Variants in GALNT7 observed in about 807,000 individuals in gnomAD.
GALNT7 encodes N-acetylgalactosaminyltransferase 7.
A neutral mutation model predicts 82.1 loss-of-function variants in GALNT7; 60 were observed. The ratio of observed to expected loss-of-function variants is 0.73; its 90% CI spans 0.59 to 0.91. The LOEUF is 0.91. Ranked by LOEUF, GALNT7 falls within the 40% of genes least tolerant of loss-of-function variation. The pLI is 0.00. For missense variants in GALNT7, 660 were observed against 804.2 expected, an observed-to-expected ratio of 0.82 and a Z score of 2.17; for synonymous variants, 243 against 275.1, an observed-to-expected ratio of 0.88 and a Z score of 1.15.
At chr4:173,181,612 A>C (rs1732249045) in intron 1 of GALNT7, among the ~76,000 whole-genome samples, 1 of 152,216 alleles carries the variant, frequency 6.6e-6, no homozygotes, top group Admixed American at 6.5e-5. Flanking sequence ...CTTCTATTTT[A>C]AAATAAATGT....
intron 1 of GALNT7, among the ~76,000 whole-genome samples, chr4:173,204,378 T>G (rs935729200): frequency 1.3e-5 from 2 of 152,254 alleles, no homozygotes; most frequent in African/African-American, 4.8e-5. Context: ...TATCTTTCCC[T>G]AGATTTGGAA....
chr4:173,186,065 C>T (rs1732450811), intron 1 of GALNT7, among the ~76,000 whole-genome samples: 1 of 152,004 alleles, frequency 6.6e-6, no homozygotes, highest in African/African-American at 2.4e-5. Flanking sequence ...GGAGGAGGGG[C>T]CTGCTATATA....
chr4:173,313,008 G>A (rs968466504), intron 8 of GALNT7, among the ~76,000 whole-genome samples: 25 of 152,018 alleles, frequency 1.6e-4, no homozygotes, highest in African/African-American at 5.8e-4. Context: ...GCAGTGAGCC[G>A]AGATTGCGTC....
At chr4:173,308,755 T>C (rs1226874260) in intron 8 of GALNT7, among the ~76,000 whole-genome samples, 1 of 152,084 alleles carries the variant, frequency 6.6e-6, no homozygotes, top group Non-Finnish European at 1.5e-5. Flanking sequence ...ATACAAAAAT[T>C]AGCTGGGTGT....
intron 3 of GALNT7, among the ~76,000 whole-genome samples, chr4:173,294,831 G>T (rs1336759851): frequency 6.6e-6 from 1 of 152,068 alleles, no homozygotes; most frequent in African/African-American, 2.4e-5. Context: ...TACACTTGAT[G>T]CTTAAGATAA....
rs557517546 is a variant in GALNT7 at position 173,224,888 on chromosome 4, G to A, written c.127-23092G>A. Reference sequence around the variant, plus strand: ...AAATTAGCCAGGCGTGGTGGCGCGCGCCTGTAGTCCCAGCTACTCGGGAGG... The same window carrying A: ...AAATTAGCCAGGCGTGGTGGCGCGCACCTGTAGTCCCAGCTACTCGGGAGG... On this transcript the variant is annotated intron_variant, in intron 1 of 11. Coordinates refer to ENST00000265000, the MANE Select transcript of GALNT7 (RefSeq NM_017423.3). Among the ~76,000 whole-genome samples the A allele has an allele frequency of 2.9e-3, 435 of 151,748 alleles. 2 individuals carry two copies. The highest frequency in any genetic ancestry group is 9.6e-3 in the African/African-American group (399 of 41,420).
chr4:173,294,893 A>G (rs1024667183), intron 3 of GALNT7, among the ~76,000 whole-genome samples: 5 of 152,206 alleles, frequency 3.3e-5, no homozygotes, highest in African/African-American at 1.2e-4. Flanking sequence ...AACCATATTC[A>G]TCATACCAAG....
chr4:173,293,335 A>C (rs1736607526), intron 3 of GALNT7, among the ~76,000 whole-genome samples: 1 of 151,636 alleles, frequency 6.6e-6, no homozygotes, highest in East Asian at 1.9e-4. Context: ...ACAATCATGC[A>C]GGTCCCTTGA....
chr4:173,194,986 A>G (rs2126644594), intron 1 of GALNT7, among the ~76,000 whole-genome samples: 1 of 152,334 alleles, frequency 6.6e-6, no homozygotes, highest in East Asian at 1.9e-4. Flanking sequence ...CTAAATTTCT[A>G]CTTAGAATCA....
chr4:173,295,938 C>A, intron 5 of GALNT7, 95 bp downstream of exon 5: 1 of 776,058 alleles, frequency 1.3e-6, no homozygotes, highest in South Asian at 1.4e-5. Context: ...CAGCTCCATT[C>A]AGTGCATCGA....
chr4:173,257,153 T>TAGG (rs1735069575), intron 2 of GALNT7, among the ~76,000 whole-genome samples: 1 of 152,204 alleles, frequency 6.6e-6, no homozygotes, highest in African/African-American at 2.4e-5. Flanking sequence ...TAGAGGCAGT[T>TAGG]AGGGGAGGCT....
intron 2 of GALNT7, among the ~76,000 whole-genome samples, chr4:173,256,533 C>A (rs528572702): frequency 5.3e-5 from 8 of 149,776 alleles, no homozygotes; most frequent in African/African-American, 2.0e-4. Context: ...AGTCCTATTG[C>A]CCTCCCTCTC....
rs972131313 is a variant in GALNT7, at chr4:173,292,463, T to C, written c.754+189T>C. ...TTGTTTAATACTAACAGTAATCCTT[T>C]CAGTGGATATCATTATGTCCATTTT... On this transcript the variant is annotated intron_variant, in intron 3 of 11. Transcript: ENST00000265000. The surrounding 1 kb of genome is among the most constrained non-coding windows in gnomAD (Gnocchi z 4.8). 6.6e-6 allele frequency among the ~76,000 whole-genome samples: 1 copy of C among 152,226 alleles called. No individual in the cohort carries two copies. The highest frequency in any genetic ancestry group is 2.4e-5 in the African/African-American group (1 of 41,464).
At chr4:173,300,986 G>A (rs902747863) in intron 6 of GALNT7, among the ~76,000 whole-genome samples, 2 of 151,902 alleles carry the variant, frequency 1.3e-5, no homozygotes, top group African/African-American at 4.8e-5. Context: ...ACATAAAAAG[G>A]TAGCTGGATG....
rs574331575 is a variant in GALNT7 at position 173,174,597 on chromosome 4, C to A, written c.126+5636C>A. Reference sequence around the variant, plus strand: ...GTGAGGTCAGGCATCAGCCCTGTTACCACCTGCTTGCCCCTCCCCCATCCC... The same window carrying A: ...GTGAGGTCAGGCATCAGCCCTGTTAACACCTGCTTGCCCCTCCCCCATCCC... On this transcript the variant is annotated intron_variant, in intron 1 of 11. Transcript: ENST00000265000. Among the ~76,000 whole-genome samples the A allele has an allele frequency of 3.9e-5, 6 of 152,312 alleles. No homozygotes were observed. In the South Asian group the frequency reaches 1.2e-3, roughly 32 times the overall value.
chr4:173,234,078 T>A (rs1053206647), intron 1 of GALNT7, among the ~76,000 whole-genome samples: 10 of 152,174 alleles, frequency 6.6e-5, no homozygotes, highest in African/African-American at 2.2e-4. Flanking sequence ...CCAAATGCAA[T>A]CCTCATCTTG....
At chr4:173,207,096 T>C (rs1733124195) in intron 1 of GALNT7, among the ~76,000 whole-genome samples, 1 of 152,184 alleles carries the variant, frequency 6.6e-6, no homozygotes, top group Non-Finnish European at 1.5e-5. Flanking sequence ...TTGCTGTGTG[T>C]CTAAGGTGTG....
chr4:173,299,723 G>A (rs528484895), intron 6 of GALNT7, among the ~76,000 whole-genome samples: 2 of 152,198 alleles, frequency 1.3e-5, no homozygotes, highest in Non-Finnish European at 2.9e-5. Flanking sequence ...GTGTGTGCCT[G>A]TAATCCCAGC....
chr4:173,210,680 C>A (rs1278398259), intron 1 of GALNT7, among the ~76,000 whole-genome samples: 2 of 152,130 alleles, frequency 1.3e-5, no homozygotes, highest in African/African-American at 4.8e-5. Context: ...GATCCGCCCA[C>A]CTCGGCCTCG....
Sources: gnomAD v4.1 joint callset for allele counts (sites outside exome capture counted in the v4.1 genomes callset) on GRCh38, gnomAD v4.1.1 for gene constraint, Gnocchi (gnomAD v3.1) non-coding constraint, MANE v1.5 for transcripts, NCBI Gene and HGNC (gene_info 2026-07-23, HGNC 2026-07-21) for gene names.